Variants in WNK1 observed in about 807,000 individuals in gnomAD.
WNK1 encodes serine/threonine-protein kinase WNK1.
WNK1 carries 38 observed loss-of-function variants against 222.8 expected under a neutral mutation model. The ratio of observed to expected loss-of-function variants is 0.17; its 90% CI spans 0.13 to 0.22. The LOEUF (loss-of-function observed/expected upper bound fraction) is 0.22. Among genes scored for constraint, WNK1 ranks in the 10% least tolerant of loss-of-function variants. WNK1 has a pLI of 1.00. For synonymous variants in WNK1, 1,090 were observed against 1,092.9 expected (o/e 1.00, Z 0.05); for missense variants, 2,348 against 2,918.4 (o/e 0.80, Z 4.50).
Position 885,827 on chromosome 12 carries a change from T to A in WNK1, c.5023T>A (p.Ser1675Thr). The change falls in exon 19 of 28, where the codon TCT becomes ACT. Residue 1675 changes from serine to threonine, a missense_variant. Physicochemically the swap from Ser to Thr is moderately conservative, Grantham distance 58. Transcript: ENST00000315939. ...EHSSSGAQHA[S>T]VSLETSLVIE... ...CAGCTCATCTGGAGCTCAGCATGCC[T>A]CTGTCTCACTGGAGACCTCACTAGT... 6.2e-7 allele frequency: 1 copy of A among 1,614,226 alleles called. No homozygotes were observed. The highest frequency in any genetic ancestry group is 8.5e-7 in the Non-Finnish European group (1 of 1,180,044).
At chr12:791,134 A>G (rs1169922295) in intron 1 of WNK1, among the ~76,000 whole-genome samples, 1 of 151,966 alleles carries the variant, frequency 6.6e-6, no homozygotes, top group East Asian at 1.9e-4. Flanking sequence ...AATATTGTGG[A>G]TGTCATAGTA....
chr12:805,820 A>G (rs934904411), intron 1 of WNK1, among the ~76,000 whole-genome samples: 1 of 152,192 alleles, frequency 6.6e-6, no homozygotes, highest in Non-Finnish European at 1.5e-5. Flanking sequence ...AAACTGCCTA[A>G]TGAAATCTTG....
intron 4 of WNK1, among the ~76,000 whole-genome samples, chr12:839,884 A>C (rs1278569087): frequency 3.1e-5 from 4 of 128,432 alleles, no homozygotes; most frequent in African/African-American, 5.9e-5. Flanking sequence ...TGCCTGGCTA[A>C]TTTTTTTTTT....
intron 1 of WNK1, among the ~76,000 whole-genome samples, chr12:768,350 GGCCTA>G (rs1942036053): frequency 6.6e-6 from 1 of 152,102 alleles, no homozygotes. Context: ...TGGCCAGGCT[GGCCTA>G]GAACTCCTGA....
chr12:768,749 A>G (rs1225663710), intron 1 of WNK1, among the ~76,000 whole-genome samples: 1 of 152,104 alleles, frequency 6.6e-6, no homozygotes, highest in Non-Finnish European at 1.5e-5. Flanking sequence ...TTCTTCAACA[A>G]CCAGTACTTA....
chr12:805,321 C>T (rs116414758), intron 1 of WNK1, among the ~76,000 whole-genome samples: 5,236 of 151,982 alleles, frequency 0.034, 305 homozygotes, highest in African/African-American at 0.12. Context: ...TGGGGAGGGG[C>T]GGGTAATAGC....
chr12:779,098 A>G (rs1189803589), intron 1 of WNK1, among the ~76,000 whole-genome samples: 2 of 152,214 alleles, frequency 1.3e-5, no homozygotes, highest in Non-Finnish European at 2.9e-5. Context: ...GTGGGAGAGC[A>G]TTCTCTTCTG....
chr12:768,818 G>GTTTTTTTT (rs1461268210), intron 1 of WNK1, among the ~76,000 whole-genome samples: 1 of 147,454 alleles, frequency 6.8e-6, no homozygotes, highest in Non-Finnish European at 1.5e-5. Flanking sequence ...AAGTTTTTTT[G>GTTTTTTTT]TTTTTTTTTT....
chr12:878,169 T>C (rs1046052183), intron 9 of WNK1, 43 bp from the exon 10 acceptor site: 3 of 1,612,922 alleles, frequency 1.9e-6, no homozygotes, highest in Non-Finnish European at 1.7e-6. Flanking sequence ...AACATGCTGT[T>C]ATTGATTTGA....
intron 14 of WNK1, among the ~76,000 whole-genome samples, 172 bp from the exon 15 acceptor site, chr12:882,771 A>G (rs1008879213): frequency 1.3e-5 from 2 of 152,228 alleles, no homozygotes; most frequent in African/African-American, 2.4e-5. Flanking sequence ...CGTCTTCTCA[A>G]AGATTTTTCT....
intron 1 of WNK1, among the ~76,000 whole-genome samples, chr12:779,397 G>GTTTTTTTTTTTTTTTTTTTTT (rs5795950): frequency 8.0e-6 from 1 of 124,274 alleles, no homozygotes. Context: ...TTTCTTTTCT[G>GTTTTTTTTTTTTTTTTTTTTT]TTTTTTTTTT....
At chr12:845,463 A>G (rs1949965307) in intron 4 of WNK1, among the ~76,000 whole-genome samples, 1 of 152,096 alleles carries the variant, frequency 6.6e-6, no homozygotes, top group African/African-American at 2.4e-5. Flanking sequence ...CCTTCTGTAG[A>G]TTTAGTACTA....
At chr12:830,540 T>C (rs1227414316) in intron 4 of WNK1, among the ~76,000 whole-genome samples, 2 of 152,268 alleles carry the variant, frequency 1.3e-5, no homozygotes, top group African/African-American at 4.8e-5. Flanking sequence ...ATTTGTTCAC[T>C]GACTTTTCTC....
At chr12:768,392 T>G (rs543592241) in intron 1 of WNK1, among the ~76,000 whole-genome samples, 5 of 152,304 alleles carry the variant, frequency 3.3e-5, no homozygotes, top group African/African-American at 1.2e-4. Flanking sequence ...CGCCTCGGCC[T>G]CCCAAAGTGC....
intron 1 of WNK1, among the ~76,000 whole-genome samples, chr12:801,421 CTTTGTG>C (rs950368271): frequency 5.8e-5 from 7 of 119,900 alleles, no homozygotes; most frequent in Non-Finnish European, 1.0e-4. Context: ...ACCTTTTTTT[CTTTGTG>C]TGTGTGTGTG....
At chr12:809,490 A>C (rs1375677650) in intron 1 of WNK1, among the ~76,000 whole-genome samples, 1 of 152,168 alleles carries the variant, frequency 6.6e-6, no homozygotes, top group Non-Finnish European at 1.5e-5. Context: ...TAGGAATTTA[A>C]TCTGTAGATT....
chr12:868,685 C>T, intron 8 of WNK1: 12 of 1,613,926 alleles, frequency 7.4e-6, no homozygotes, highest in Non-Finnish European at 9.3e-6. Context: ...AATTTTACCT[C>T]AGCGTGTTTA....
At chr12:822,111 T>TTTTTTTG (rs1491185296) in intron 2 of WNK1, among the ~76,000 whole-genome samples, 1 of 146,264 alleles carries the variant, frequency 6.8e-6, no homozygotes, top group African/African-American at 2.6e-5. Flanking sequence ...TTTTTTTTTT[T>TTTTTTTG]GAGACGGAGC....
rs199600744 is a variant in WNK1 at position 829,971 on chromosome 12, G to T, written c.1154-32G>T. On this transcript the variant is annotated intron_variant, in intron 3 of 27. Transcript: ENST00000315939. ...TGAGTAACGTCTGAAGCTTCTGCTCGCATTGAGTCTGAATCGTTCTTTTAA... is the reference window on the plus strand; with the variant it reads ...TGAGTAACGTCTGAAGCTTCTGCTCTCATTGAGTCTGAATCGTTCTTTTAA... 6.8e-6 allele frequency: 11 copies of T among 1,613,158 alleles called. No homozygotes were observed. In the African/African-American group the frequency reaches 8.0e-5, roughly 12 times the overall value.
Sources: allele counts gnomAD v4.1 joint callset (sites outside exome capture counted in the v4.1 genomes callset), GRCh38; gene constraint gnomAD v4.1.1; transcripts MANE v1.5; gene names NCBI Gene and HGNC (gene_info 2026-07-23, HGNC 2026-07-21).